MAML3: variants seen among roughly 807,000 people sequenced by gnomAD.
The protein encoded by MAML3 is mastermind-like protein 3.
A neutral mutation model predicts 101.9 loss-of-function variants in MAML3; 27 were observed. The observed-to-expected ratio is 0.27, with a 90% CI of 0.20 to 0.37. MAML3 has a LOEUF of 0.37. MAML3 is among the 10% of genes least tolerant of loss of function. The pLI, the probability that MAML3 is intolerant of heterozygous loss-of-function variation, is 1.00. For missense variants in MAML3, 1,316 were observed against 1,444.9 expected (o/e 0.91, Z 1.45); for synonymous variants, 501 against 555.9 (o/e 0.90, Z 1.39).
chr4:139,736,436 C>A (rs113228425), intron 2 of MAML3, among the ~76,000 whole-genome samples: 2 of 152,156 alleles, frequency 1.3e-5, no homozygotes, highest in African/African-American at 4.8e-5. Flanking sequence ...TAGACAGAGG[C>A]GCCTGGCTGT....
intron 2 of MAML3, among the ~76,000 whole-genome samples, chr4:139,853,999 A>G (rs999010263): frequency 2.0e-5 from 3 of 150,796 alleles, no homozygotes; most frequent in African/African-American, 7.3e-5. Context: ...TTTTTTTGTA[A>G]TTTTGTAGAG....
intron 2 of MAML3, among the ~76,000 whole-genome samples, chr4:139,881,479 T>C (rs1168044333): frequency 1.3e-5 from 2 of 152,080 alleles, no homozygotes; most frequent in Admixed American, 6.5e-5. Context: ...TCTACAAACA[T>C]TGACCCAGTG....
intron 1 of MAML3, among the ~76,000 whole-genome samples, chr4:139,924,251 A>T (rs1332930486): frequency 1.3e-5 from 2 of 152,244 alleles, no homozygotes; most frequent in Admixed American, 1.3e-4. Context: ...CCAGTGATGG[A>T]GAAATGTGGT....
intron 1 of MAML3, among the ~76,000 whole-genome samples, chr4:139,898,866 G>T (rs191958094): frequency 1.7e-4 from 26 of 152,188 alleles, no homozygotes; most frequent in African/African-American, 5.5e-4. Context: ...GGAAGAGTGC[G>T]CAAAACATTT....
At chr4:139,992,640 CT>C (rs1176914707) in intron 1 of MAML3, among the ~76,000 whole-genome samples, 5 of 152,042 alleles carry the variant, frequency 3.3e-5, no homozygotes, top group African/African-American at 1.2e-4. Context: ...ATCCTTCTGC[CT>C]CAGCCTCTCG....
Position 139,890,004 on chromosome 4 carries a change from T to G in MAML3, c.1432A>C (p.Arg478=). Residue 478 remains arginine, a synonymous_variant, in exon 2 of 5, where the codon AGG becomes CGG. Coordinates refer to ENST00000509479, the MANE Select transcript of MAML3 (RefSeq NM_018717.5). The surrounding 1 kb of genome is among the most constrained non-coding windows in gnomAD (Gnocchi z 4.1). Reference sequence around the variant, plus strand: ...TGTTTCTGCTGCATGAGTTTGGCCCTTTGTTGCTGCTGTGCAGCCATCTGT... The same window carrying G: ...TGTTTCTGCTGCATGAGTTTGGCCCGTTGTTGCTGCTGTGCAGCCATCTGT... ...LKQMAAQQQQ[R]AKLMQQKQQQ... is the part of the protein sequence containing the mutation. 2 of 1,611,224 alleles carry G rather than the reference T, an allele frequency of 1.2e-6. No homozygotes were observed. Among genetic ancestry groups the G allele is most frequent in the East Asian group, 2.2e-5 (1 of 44,796 alleles).
At chr4:139,774,809 A>G (rs1449199186) in intron 2 of MAML3, among the ~76,000 whole-genome samples, 5 of 152,234 alleles carry the variant, frequency 3.3e-5, no homozygotes, top group African/African-American at 1.2e-4. Context: ...GAACTGCTAT[A>G]TGATATCTTA....
At chr4:140,086,451 A>G (rs1727953579) in intron 1 of MAML3, among the ~76,000 whole-genome samples, 1 of 152,248 alleles carries the variant, frequency 6.6e-6, no homozygotes, top group African/African-American at 2.4e-5. Flanking sequence ...TACATGCTTT[A>G]TTCCAACGAT....
intron 1 of MAML3, among the ~76,000 whole-genome samples, chr4:139,930,534 A>T (rs1278366222): frequency 9.9e-5 from 15 of 152,184 alleles, no homozygotes; most frequent in African/African-American, 3.4e-4. Context: ...TTTATAAATT[A>T]AAGGAAGCAG....
At chr4:140,032,663 G>A (rs1726926054) in intron 1 of MAML3, among the ~76,000 whole-genome samples, 1 of 152,014 alleles carries the variant, frequency 6.6e-6, no homozygotes, top group Non-Finnish European at 1.5e-5. Flanking sequence ...ACTTTCTGAA[G>A]GGCATTTGGC....
intron 1 of MAML3, among the ~76,000 whole-genome samples, chr4:140,033,535 G>A (rs1043917152): frequency 2.0e-5 from 3 of 152,204 alleles, no homozygotes; most frequent in Admixed American, 2.0e-4. Context: ...ACTCCCGAAT[G>A]ACATTTGATC....
chr4:139,863,556 G>A (rs112020395), intron 2 of MAML3, among the ~76,000 whole-genome samples: 2,983 of 151,966 alleles, frequency 0.02, 57 homozygotes, highest in Non-Finnish European at 0.031. Context: ...CTCCATTTTG[G>A]TCAGGCTGGT....
chr4:140,069,414 GA>G (rs1560883601), intron 1 of MAML3, among the ~76,000 whole-genome samples: 2,869 of 64,670 alleles, frequency 0.044, 288 homozygotes, highest in African/African-American at 0.12. Context: ...GGAGGAGGAG[GA>G]GGAGGGGAAG....
chr4:139,773,463 G>A (rs969862433), intron 2 of MAML3, among the ~76,000 whole-genome samples: 10 of 152,146 alleles, frequency 6.6e-5, no homozygotes, highest in Non-Finnish European at 1.3e-4. Context: ...GCTGGTTATT[G>A]GCACCTGTTT....
At chr4:139,871,656 A>G (rs999165700) in intron 2 of MAML3, among the ~76,000 whole-genome samples, 2 of 152,180 alleles carry the variant, frequency 1.3e-5, no homozygotes, top group Non-Finnish European at 2.9e-5. Flanking sequence ...ATGAGCTTTG[A>G]GGGGCTTCCA....
At chr4:140,050,115 C>G (rs1417997304) in intron 1 of MAML3, among the ~76,000 whole-genome samples, 1 of 152,046 alleles carries the variant, frequency 6.6e-6, no homozygotes, top group Non-Finnish European at 1.5e-5. Context: ...TATAACAGGG[C>G]TCATTGCCAA....
chr4:140,069,283 C>T (rs1393452889), intron 1 of MAML3, among the ~76,000 whole-genome samples: 1 of 151,610 alleles, frequency 6.6e-6, no homozygotes, highest in Non-Finnish European at 1.5e-5. Flanking sequence ...GATTGCGCCA[C>T]TGCATTCCAG....
intron 1 of MAML3, among the ~76,000 whole-genome samples, chr4:140,058,328 G>A (rs1207221327): frequency 2.6e-5 from 4 of 151,764 alleles, no homozygotes; most frequent in Non-Finnish European, 5.9e-5. Context: ...CTGGGCTCAA[G>A]CAATCCTTCC....
chr4:140,150,487 G>T lies in MAML3; in HGVS notation c.468+2373C>A, dbSNP rs187988564. Among the ~76,000 whole-genome samples the T allele has an allele frequency of 7.2e-5, 11 of 152,278 alleles. No homozygotes were observed. In the East Asian group the frequency reaches 2.1e-3, roughly 29 times the overall value. On this transcript the variant is annotated intron_variant, in intron 1 of 4. Transcript: ENST00000509479. Reference sequence around the variant, plus strand: ...GCCGTGTCCAGAGACCCGGCACTGGGAACGGCACTGGCTTTTGTTCCAGGG... The same window carrying T: ...GCCGTGTCCAGAGACCCGGCACTGGTAACGGCACTGGCTTTTGTTCCAGGG...
Sources: gnomAD v4.1 joint callset for allele counts (sites outside exome capture counted in the v4.1 genomes callset) on GRCh38, gnomAD v4.1.1 for gene constraint, Gnocchi (gnomAD v3.1) non-coding constraint, MANE v1.5 for transcripts, NCBI Gene and HGNC (gene_info 2026-07-23, HGNC 2026-07-21) for gene names.